MYO16: variants seen among roughly 807,000 people sequenced by gnomAD.
MYO16 encodes the protein myosin XVI, also known as unconventional myosin-XVI.
In MYO16, 94 loss-of-function variants were observed where a neutral mutation model predicts 205.3. The ratio of observed to expected loss-of-function variants is 0.46; its 90% CI spans 0.39 to 0.54. MYO16 has a LOEUF of 0.54. MYO16 is among the 20% of genes least tolerant of loss of function. The pLI is 0.00. For synonymous variants in MYO16, 988 were observed against 954.0 expected (o/e 1.04, Z -0.66); for missense variants, 2,315 against 2,387.5 (o/e 0.97, Z 0.63).
chr13:109,148,478 T>G (rs1359859793), intron 32 of MYO16, among the ~76,000 whole-genome samples: 2 of 152,206 alleles, frequency 1.3e-5, no homozygotes, highest in African/African-American at 4.8e-5. Context: ...AAAACACTGA[T>G]AAACAAATCT....
At chr13:109,026,566 A>T (rs1281014658) in intron 23 of MYO16, among the ~76,000 whole-genome samples, 1 of 152,186 alleles carries the variant, frequency 6.6e-6, no homozygotes, top group African/African-American at 2.4e-5. Flanking sequence ...CCATCCTAGG[A>T]AACCATAAAG....
chr13:108,692,681 A>G (rs1276719740), intron 2 of MYO16, among the ~76,000 whole-genome samples: 3 of 152,206 alleles, frequency 2.0e-5, no homozygotes, highest in Non-Finnish European at 2.9e-5. Flanking sequence ...TCTGGGGACA[A>G]CAGTTATGAA....
chr13:108,642,664 C>T (rs28625297), intron 1 of MYO16, among the ~76,000 whole-genome samples: 2,993 of 152,142 alleles, frequency 0.02, 99 homozygotes, highest in African/African-American at 0.068. Flanking sequence ...GTGATCTGCT[C>T]GCCTAGGCCT....
chr13:108,857,469 G>A (rs1878240154), intron 11 of MYO16, among the ~76,000 whole-genome samples: 2 of 152,146 alleles, frequency 1.3e-5, no homozygotes, highest in African/African-American at 4.8e-5. Flanking sequence ...AGAAGAGGAG[G>A]GTGTTGGTAT....
chr13:108,883,016 C>T (rs1879692893), intron 12 of MYO16, 43 bp from the exon 13 acceptor site: 1 of 1,606,306 alleles, frequency 6.2e-7, no homozygotes, highest in South Asian at 1.1e-5. Context: ...ATACTGGCGC[C>T]TTTTCACTGA....
At chr13:108,774,590 C>CT in intron 4 of MYO16, among the ~76,000 whole-genome samples, 1 of 152,028 alleles carries the variant, frequency 6.6e-6, no homozygotes, top group East Asian at 1.9e-4. Flanking sequence ...AGAGACGTGC[C>CT]TTACAGTCTA....
chr13:108,840,406 G>C (rs1204943074), intron 9 of MYO16, among the ~76,000 whole-genome samples: 1 of 152,170 alleles, frequency 6.6e-6, no homozygotes, highest in Non-Finnish European at 1.5e-5. Context: ...TGGTGAGACT[G>C]TGGTGGTTAC....
intron 23 of MYO16, among the ~76,000 whole-genome samples, chr13:109,022,206 T>A (rs1314053042): frequency 1.5e-5 from 2 of 136,030 alleles, no homozygotes; most frequent in Non-Finnish European, 3.0e-5. Flanking sequence ...AATGTATTTA[T>A]AATTTTTATA....
chr13:108,715,857 A>G (rs1385083218), intron 3 of MYO16, among the ~76,000 whole-genome samples: 1 of 151,194 alleles, frequency 6.6e-6, no homozygotes, highest in Non-Finnish European at 1.5e-5. Flanking sequence ...CATAACATAC[A>G]CTCCTTGCTT....
chr13:108,552,653 TAC>T, the MYO16 span, among the ~76,000 whole-genome samples: 37 of 152,344 alleles, frequency 2.4e-4, no homozygotes, highest in African/African-American at 8.9e-4. Context: ...ATCAAATTTA[TAC>T]GTGTGTTACA....
At position 108,855,067 on chromosome 13, in the gene MYO16, A is replaced by T. The variant is rs646951; in HGVS notation, c.1249-376A>T. 7.0e-3 allele frequency among the ~76,000 whole-genome samples: 1,069 copies of T among 152,294 alleles called. 7 individuals carry two copies. Among genetic ancestry groups the T allele is most frequent in the African/African-American group, 0.025 (1,023 of 41,562 alleles). On this transcript the variant is annotated intron_variant, in intron 10 of 34. Transcript: ENST00000457511. ...TGCTTTAGCTTAGGGAACACTACGG[A>T]TATATGAGGTGTTCCACTGCTTATC...
chr13:108,828,583 G>C (rs138515936), intron 9 of MYO16, among the ~76,000 whole-genome samples: 2 of 152,228 alleles, frequency 1.3e-5, no homozygotes, highest in African/African-American at 2.4e-5. Context: ...CCTTTGGATC[G>C]CATCTGAGTT....
the MYO16 span, among the ~76,000 whole-genome samples, chr13:108,533,928 A>G: frequency 6.6e-6 from 1 of 152,118 alleles, no homozygotes; most frequent in Non-Finnish European, 1.5e-5. Context: ...CCTTACTGGA[A>G]ATTTTATATC....
chr13:109,157,858 C>T (rs1878150335), intron 32 of MYO16, among the ~76,000 whole-genome samples: 1 of 152,162 alleles, frequency 6.6e-6, no homozygotes, highest in Non-Finnish European at 1.5e-5. Context: ...TAGATGTAGT[C>T]CCTTTTCTTC....
intron 12 of MYO16, 142 bp from the exon 13 acceptor site, chr13:108,882,917 A>G (rs969353346): frequency 6.6e-6 from 8 of 1,216,048 alleles, no homozygotes; most frequent in Non-Finnish European, 7.9e-6. Context: ...TAATTTTACA[A>G]ATGTTTTTAC....
At chr13:108,915,067 G>T (rs1881431591) in intron 16 of MYO16, among the ~76,000 whole-genome samples, 2 of 152,208 alleles carry the variant, frequency 1.3e-5, no homozygotes, top group Non-Finnish European at 2.9e-5. Flanking sequence ...TAAAATGAAT[G>T]TAAAACTACT....
intron 2 of MYO16, among the ~76,000 whole-genome samples, chr13:108,690,493 G>A (rs917149929): frequency 3.3e-5 from 4 of 119,424 alleles, no homozygotes; most frequent in Non-Finnish European, 3.5e-5. Context: ...TAATTAAGTT[G>A]CAGCTGTATT....
the MYO16 span, among the ~76,000 whole-genome samples, chr13:108,562,173 C>T: frequency 6.6e-6 from 1 of 151,998 alleles, no homozygotes; most frequent in African/African-American, 2.4e-5. Context: ...GGTGAGGGTC[C>T]TCTTCAGGGC....
chr13:108,664,928 G>C (rs927828769), intron 1 of MYO16, among the ~76,000 whole-genome samples: 1 of 152,140 alleles, frequency 6.6e-6, no homozygotes, highest in Admixed American at 6.6e-5. Context: ...AAGAACCGTA[G>C]CAGCCAAAAT....
Sources: gnomAD v4.1 joint callset for allele counts (sites outside exome capture counted in the v4.1 genomes callset) on GRCh38, gnomAD v4.1.1 for gene constraint, MANE v1.5 for transcripts, NCBI Gene and HGNC (gene_info 2026-07-23, HGNC 2026-07-21) for gene names.